AIG1: variants seen among roughly 807,000 people sequenced by gnomAD.
The protein encoded by AIG1 is androgen-induced gene 1 protein.
In AIG1, 23 loss-of-function variants were observed where a neutral mutation model predicts 31.4. That is an observed-to-expected ratio of 0.73 (90% CI 0.53 to 1.04). The LOEUF (loss-of-function observed/expected upper bound fraction) is 1.04, where lower values mean the gene tolerates loss of function less well. Ranked by LOEUF, AIG1 falls within the 50% of genes least tolerant of loss-of-function variation. AIG1 has a pLI of 0.00. For synonymous variants in AIG1, 100 were observed against 110.5 expected, an observed-to-expected ratio of 0.90 and a Z score of 0.60; for missense variants, 274 against 295.0, an observed-to-expected ratio of 0.93 and a Z score of 0.52.
intron 1 of AIG1, among the ~76,000 whole-genome samples, chr6:143,062,708 G>A (rs763645611): frequency 1.3e-5 from 2 of 152,144 alleles, no homozygotes; most frequent in Admixed American, 6.5e-5. Flanking sequence ...CCCATAGAGC[G>A]CCAGAAAGAT....
chr6:143,162,119 C>G (rs1212633238), intron 2 of AIG1, among the ~76,000 whole-genome samples: 3 of 152,112 alleles, frequency 2.0e-5, no homozygotes, highest in Non-Finnish European at 4.4e-5. Context: ...AAAATCAGTT[C>G]ATTCTTATAA....
chr6:143,175,138 C>A (rs1788021422), intron 3 of AIG1, among the ~76,000 whole-genome samples: 1 of 152,220 alleles, frequency 6.6e-6, no homozygotes, highest in Non-Finnish European at 1.5e-5. Context: ...GACCCCACTA[C>A]CTTCTAGCTT....
chr6:143,303,925 T>G (rs889553931), intron 4 of AIG1, among the ~76,000 whole-genome samples: 1 of 148,662 alleles, frequency 6.7e-6, no homozygotes, highest in Admixed American at 6.7e-5. Flanking sequence ...GTAGTTCTCC[T>G]TGAAGAGGTG....
chr6:143,260,933 A>T (rs1047031541), intron 3 of AIG1, among the ~76,000 whole-genome samples: 3 of 152,136 alleles, frequency 2.0e-5, no homozygotes, highest in African/African-American at 7.2e-5. Flanking sequence ...TTTGCTCATT[A>T]AAATTAACAA....
chr6:143,144,716 C>G (rs1321158517), intron 2 of AIG1, among the ~76,000 whole-genome samples: 4 of 152,232 alleles, frequency 2.6e-5, no homozygotes, highest in Non-Finnish European at 4.4e-5. Context: ...ATTAGCCTCT[C>G]ATTATTCTCT....
chr6:143,283,384 C>T (rs199969022), intron 3 of AIG1, among the ~76,000 whole-genome samples: 2 of 152,196 alleles, frequency 1.3e-5, no homozygotes, highest in Admixed American at 6.5e-5. Flanking sequence ...GCTGATTTGG[C>T]GTTGTTTGCT....
At chr6:143,187,913 T>A in intron 3 of AIG1, 1 of 1,347,908 alleles carries the variant, frequency 7.4e-7, no homozygotes, top group South Asian at 1.9e-5. Context: ...TGGATGAACA[T>A]GAATTTTTAA....
chr6:143,319,977 A>G (rs1776073739), intron 4 of AIG1, among the ~76,000 whole-genome samples: 1 of 152,184 alleles, frequency 6.6e-6, no homozygotes, highest in Non-Finnish European at 1.5e-5. Flanking sequence ...CTGATAAAGA[A>G]TAAATATCCA....
intron 1 of AIG1, among the ~76,000 whole-genome samples, chr6:143,115,219 A>T (rs1172361423): frequency 6.6e-6 from 1 of 152,206 alleles, no homozygotes; most frequent in African/African-American, 2.4e-5. Flanking sequence ...TCTAAAATAG[A>T]ATGATTGGTC....
At chr6:143,242,087 C>T (rs1471202822) in intron 3 of AIG1, among the ~76,000 whole-genome samples, 9 of 152,128 alleles carry the variant, frequency 5.9e-5, no homozygotes, top group Admixed American at 5.9e-4. Context: ...CGACACGTCT[C>T]CCCCTCCAGG....
chr6:143,067,852 A>G (rs1012289151), intron 1 of AIG1, among the ~76,000 whole-genome samples: 1 of 152,166 alleles, frequency 6.6e-6, no homozygotes, highest in African/African-American at 2.4e-5. Flanking sequence ...CAGAGAGTGT[A>G]AAATTGCAAT....
intron 3 of AIG1, among the ~76,000 whole-genome samples, chr6:143,257,455 T>C (rs1795448262): frequency 6.6e-6 from 1 of 152,250 alleles, no homozygotes; most frequent in African/African-American, 2.4e-5. Flanking sequence ...CGCTTGTGAA[T>C]CTTTAGGATT....
chr6:143,324,621 A>G (rs1776460553), intron 4 of AIG1, among the ~76,000 whole-genome samples: 1 of 152,200 alleles, frequency 6.6e-6, no homozygotes, highest in African/African-American at 2.4e-5. Flanking sequence ...CAGTGTCCTT[A>G]TCTGTAAAAT....
chr6:143,279,055 G>A lies in AIG1; in HGVS notation c.400-5055G>A, dbSNP rs1010875465. 3.9e-5 allele frequency among the ~76,000 whole-genome samples: 6 copies of A among 152,068 alleles called. 1 individual carries two copies. The highest frequency in any genetic ancestry group is 3.9e-4 in the Admixed American group (6 of 15,274). On this transcript the variant is annotated intron_variant, in intron 3 of 5. Transcript: ENST00000357847. This position sits in a 1 kb window ranked among gnomAD's most constrained non-coding sequence, Gnocchi z 5.4. ...ACAGTATGGCTTTTGTAGATTTTAA[G>A]CACTTTGTGTTAGTGAGTCCCTTCT...
At chr6:143,060,254 A>G (rs1776109469), upstream of AIG1, among the ~76,000 whole-genome samples, 1 of 152,186 alleles carries the variant, frequency 6.6e-6, no homozygotes, top group African/African-American at 2.4e-5. Flanking sequence ...CTAGTGATTG[A>G]CAGTCGTTTG....
intron 5 of AIG1, among the ~76,000 whole-genome samples, chr6:143,337,688 G>GA (rs1245922430): frequency 6.6e-6 from 1 of 152,164 alleles, no homozygotes. Context: ...TATGTGTGCA[G>GA]AAACCTGCAC....
intron 1 of AIG1, among the ~76,000 whole-genome samples, chr6:143,107,314 C>A (rs555337268): frequency 3.9e-5 from 6 of 151,994 alleles, no homozygotes; most frequent in Admixed American, 3.9e-4. Context: ...ATAAAGATAC[C>A]TACTCATTGT....
chr6:143,180,561 T>G (rs117046102), intron 3 of AIG1, among the ~76,000 whole-genome samples: 1 of 152,306 alleles, frequency 6.6e-6, no homozygotes, highest in Non-Finnish European at 1.5e-5. Context: ...CCAGAAAGAT[T>G]GCTGAGCTTC....
At chr6:143,219,510 A>G (rs113101829) in intron 3 of AIG1, among the ~76,000 whole-genome samples, 22 of 152,286 alleles carry the variant, frequency 1.4e-4, no homozygotes, top group African/African-American at 3.1e-4. Flanking sequence ...ACTGGAGTCA[A>G]TTGGTGATTT....
Sources: allele counts gnomAD v4.1 joint callset (sites outside exome capture counted in the v4.1 genomes callset), GRCh38; gene constraint gnomAD v4.1.1; non-coding constraint Gnocchi (gnomAD v3.1); transcripts MANE v1.5; gene names NCBI Gene and HGNC (gene_info 2026-07-23, HGNC 2026-07-21).